The following DACH2 variants were observed in gnomAD, a reference collection of about 807,000 sequenced individuals.
DACH2 encodes dachshund homolog 2.
In DACH2, 17 loss-of-function variants were observed where a neutral mutation model predicts 35.8. The ratio of observed to expected loss-of-function variants is 0.48; its 90% CI spans 0.33 to 0.71. The LOEUF (loss-of-function observed/expected upper bound fraction) is 0.71, where lower values mean the gene tolerates loss of function less well. DACH2 is among the 30% of genes least tolerant of loss of function. The pLI, the probability that DACH2 is intolerant of heterozygous loss-of-function variation, is 0.02. For synonymous variants in DACH2, 195 were observed against 177.3 expected (o/e 1.10, Z -0.79); for missense variants, 469 against 472.7 (o/e 0.99, Z 0.07).
At position 86,294,170 on chromosome X, in the gene DACH2, C is replaced by T. The variant is rs1009381493; in HGVS notation, c.489-82654C>T. Among the ~76,000 whole-genome samples, 5 of 111,411 alleles carry T rather than the reference C, an allele frequency of 4.5e-5. No individual in the cohort carries two copies. In the South Asian group the frequency reaches 1.9e-3, roughly 43 times the overall value. On this transcript the variant is annotated intron_variant, in intron 1 of 11. Transcript: ENST00000373125. ...ACTTCCCTTCTCACTTCATTTCATT[C>T]ATTTCATCTTCCATCACTGATACGC...
At chrX:86,205,050 G>A (rs896879436) in intron 1 of DACH2, among the ~76,000 whole-genome samples, 2 of 111,866 alleles carry the variant, frequency 1.8e-5, no homozygotes, top group African/African-American at 3.2e-5. Flanking sequence ...AGAATAATTT[G>A]CTGCTTAGCA....
At chrX:86,500,335 A>G (rs1453593994) in intron 2 of DACH2, among the ~76,000 whole-genome samples, 1 of 111,669 alleles carries the variant, frequency 9.0e-6, no homozygotes, top group Non-Finnish European at 1.9e-5. Context: ...AACAAAAGAG[A>G]AGGAATTTCC....
intron 1 of DACH2, among the ~76,000 whole-genome samples, chrX:86,337,519 G>A (rs1404041310): frequency 9.0e-6 from 1 of 110,966 alleles, no homozygotes; most frequent in Non-Finnish European, 1.9e-5. Flanking sequence ...TCACAGACAA[G>A]CAAACACCTT....
At chrX:86,727,798 G>T (rs959918769) in intron 6 of DACH2, among the ~76,000 whole-genome samples, 1 of 111,892 alleles carries the variant, frequency 8.9e-6, no homozygotes, top group Admixed American at 9.5e-5. Context: ...TATGCTTCCT[G>T]CACAGCCTGC....
At chrX:86,828,618 T>C (rs1369764137) in intron 11 of DACH2, 2 of 111,608 alleles carry the variant, frequency 1.8e-5, no homozygotes, top group East Asian at 5.6e-4. Flanking sequence ...GTCAGTGAGA[T>C]TATGGATATT....
intron 7 of DACH2, among the ~76,000 whole-genome samples, chrX:86,791,677 G>A (rs1041435485): frequency 9.0e-6 from 1 of 111,521 alleles, no homozygotes; most frequent in Middle Eastern, 4.6e-3. Context: ...ATGACTTTCT[G>A]TCATATGTAA....
intron 7 of DACH2, among the ~76,000 whole-genome samples, chrX:86,743,191 G>A (rs140191245): frequency 4.5e-3 from 497 of 111,204 alleles, no homozygotes; most frequent in Middle Eastern, 0.032. Context: ...TAGCAAGTTA[G>A]CCCATCAGGT....
intron 1 of DACH2, among the ~76,000 whole-genome samples, chrX:86,254,777 A>ATATATATATATATATATATAT (rs1556004208): frequency 1.4e-4 from 2 of 14,228 alleles, no homozygotes; most frequent in African/African-American, 2.0e-4. Context: ...TATTCAAATA[A>ATATATATATATATATATATAT]ATAAATATAT....
chrX:86,679,570 G>C (rs1401187393), intron 4 of DACH2, among the ~76,000 whole-genome samples: 1 of 108,704 alleles, frequency 9.2e-6, no homozygotes, highest in Admixed American at 1.0e-4. Flanking sequence ...CGCTTTCAGT[G>C]CCAGGCATAG....
intron 3 of DACH2, among the ~76,000 whole-genome samples, chrX:86,637,204 G>C (rs866345947): frequency 5.4e-4 from 3 of 5,532 alleles, no homozygotes; most frequent in Non-Finnish European, 1.1e-3. Context: ...TTACTGAAAA[G>C]CCAAAAAAAA....
At chrX:86,306,976 A>G (rs2034701018) in intron 1 of DACH2, among the ~76,000 whole-genome samples, 1 of 111,647 alleles carries the variant, frequency 9.0e-6, no homozygotes. Flanking sequence ...AATAGCATGG[A>G]GAACACCAAT....
chrX:86,267,394 G>C (rs767626680), intron 1 of DACH2, among the ~76,000 whole-genome samples: 3 of 111,758 alleles, frequency 2.7e-5, no homozygotes, highest in Non-Finnish European at 5.7e-5. Context: ...TTTTATGTTT[G>C]GGAGATTTTA....
intron 2 of DACH2, among the ~76,000 whole-genome samples, chrX:86,437,173 A>G (rs765214225): frequency 1.3e-3 from 142 of 111,024 alleles, no homozygotes; most frequent in African/African-American, 4.3e-3. Flanking sequence ...TTGATACAAC[A>G]TATTTTACAT....
intron 3 of DACH2, among the ~76,000 whole-genome samples, chrX:86,523,953 C>T (rs983219535): frequency 1.8e-5 from 2 of 111,482 alleles, no homozygotes; most frequent in African/African-American, 3.3e-5. Context: ...ATTAATTTTA[C>T]CTAGGCAGTT....
At chrX:86,603,430 C>T (rs1168503446) in intron 3 of DACH2, among the ~76,000 whole-genome samples, 2 of 109,816 alleles carry the variant, frequency 1.8e-5, no homozygotes, top group African/African-American at 6.6e-5. Flanking sequence ...AATACATTCA[C>T]CCCCATTCCA....
chrX:86,528,232 A>G (rs61134139), intron 3 of DACH2, among the ~76,000 whole-genome samples: 34,767 of 110,734 alleles, frequency 0.31, 4,536 homozygotes, highest in Middle Eastern at 0.46. Context: ...ATATAAAACA[A>G]ATATTTGCAA....
At chrX:86,684,976 A>G (rs183950559) in intron 4 of DACH2, among the ~76,000 whole-genome samples, 21 of 112,048 alleles carry the variant, frequency 1.9e-4, no homozygotes, top group African/African-American at 6.8e-4. Flanking sequence ...AATTACATAA[A>G]ACTTTTAAAA....
intron 1 of DACH2, among the ~76,000 whole-genome samples, chrX:86,256,513 C>G (rs1339712984): frequency 1.8e-5 from 2 of 111,591 alleles, no homozygotes; most frequent in Non-Finnish European, 3.8e-5. Context: ...TTCAAGTACA[C>G]ATGCGCGTGA....
chrX:86,505,184 C>T (rs2038305438), intron 2 of DACH2, among the ~76,000 whole-genome samples: 1 of 111,425 alleles, frequency 9.0e-6, no homozygotes, highest in Non-Finnish European at 1.9e-5. Context: ...TTTCCTTTGG[C>T]ATTCAAAATG....
Sources: allele counts gnomAD v4.1 joint callset (sites outside exome capture counted in the v4.1 genomes callset), GRCh38; gene constraint gnomAD v4.1.1; transcripts MANE v1.5; gene names NCBI Gene and HGNC (gene_info 2026-07-23, HGNC 2026-07-21).